The following CFAP96 variants were observed in gnomAD, a reference collection of about 807,000 sequenced individuals.
CFAP96 encodes the protein cilia-and flagella-associated protein 96.
At chr4:185,416,965 T>G in the CFAP96 span, among the ~76,000 whole-genome samples, 7 of 152,210 alleles carry the variant, frequency 4.6e-5, no homozygotes, top group Non-Finnish European at 8.8e-5. Flanking sequence ...ATGCTAAAAG[T>G]GGTGGGTCAA....
the CFAP96 span, among the ~76,000 whole-genome samples, chr4:185,447,931 A>G: frequency 1.3e-5 from 2 of 152,232 alleles, no homozygotes; most frequent in Non-Finnish European, 2.9e-5. Context: ...CTTAGCTGCA[A>G]TAATTAGCCA....
the CFAP96 span, chr4:185,436,262 A>G: frequency 1.6e-5 from 25 of 1,548,350 alleles, no homozygotes; most frequent in East Asian, 5.9e-4. Context: ...TGAAGTCACC[A>G]TTACTTACTT....
the CFAP96 span, among the ~76,000 whole-genome samples, chr4:185,443,322 A>G: frequency 0.076 from 3,083 of 40,526 alleles, 66 homozygotes; most frequent in South Asian, 0.18. Flanking sequence ...TTTTTTATGT[A>G]TATATATATA....
chr4:185,418,551 T>C, the CFAP96 span: 3 of 1,610,690 alleles, frequency 1.9e-6, no homozygotes, highest in Non-Finnish European at 2.5e-6. Context: ...AAATGATGTT[T>C]TGAAAACATT....
the CFAP96 span, among the ~76,000 whole-genome samples, chr4:185,449,382 A>G: frequency 6.6e-6 from 1 of 152,130 alleles, no homozygotes; most frequent in Non-Finnish European, 1.5e-5. Context: ...TTAGCCAGGC[A>G]TGATGGCACA....
At chr4:185,436,236 T>A in the CFAP96 span, 3 of 1,543,396 alleles carry the variant, frequency 1.9e-6, no homozygotes, top group Non-Finnish European at 2.6e-6. Flanking sequence ...TTTAAAAAAA[T>A]TAAATTTCTG....
At chr4:185,426,251 T>A in the CFAP96 span, 1 of 226,140 alleles carries the variant, frequency 4.4e-6, no homozygotes, top group East Asian at 1.0e-4. Flanking sequence ...TGGTGGAACG[T>A]GCAGAGGCGC....
At chr4:185,449,691 ACTATCAAGAG>A in the CFAP96 span, 1 of 1,295,490 alleles carries the variant, frequency 7.7e-7, no homozygotes, top group East Asian at 2.6e-5. Context: ...TGAGTAATTC[ACTATCAAGAG>A]CTAATTATTT....
At chr4:185,442,718 A>G in the CFAP96 span, among the ~76,000 whole-genome samples, 3 of 152,268 alleles carry the variant, frequency 2.0e-5, no homozygotes, top group Admixed American at 2.0e-4. Context: ...TCATTTTTAT[A>G]GATGCCAAAA....
the CFAP96 span, chr4:185,416,003 G>A: frequency 1.6e-6 from 1 of 641,804 alleles, no homozygotes; most frequent in African/African-American, 1.9e-5. Flanking sequence ...TAGTGAAAAG[G>A]GGGAAAGAGT....
the CFAP96 span, among the ~76,000 whole-genome samples, chr4:185,443,343 T>TATATATATATATATATATATATATA: frequency 2.6e-4 from 5 of 19,204 alleles, no homozygotes; most frequent in Admixed American, 6.5e-4. Flanking sequence ...TATATATATA[T>TATATATATATATATATATATATATA]TTTTTTTTTT....
chr4:185,432,083 A>G, the CFAP96 span: 1 of 1,551,762 alleles, frequency 6.4e-7, no homozygotes, highest in Non-Finnish European at 8.7e-7. Context: ...CCATTTTGTA[A>G]GGATTTTTGA....
At chr4:185,431,072 TG>T in the CFAP96 span, among the ~76,000 whole-genome samples, 1 of 152,012 alleles carries the variant, frequency 6.6e-6, no homozygotes, top group African/African-American at 2.4e-5. Context: ...TAACCAGCCA[TG>T]GTGGTGCACA....
the CFAP96 span, among the ~76,000 whole-genome samples, chr4:185,435,839 AT>A: frequency 6.7e-6 from 1 of 150,358 alleles, no homozygotes; most frequent in Non-Finnish European, 1.5e-5. Flanking sequence ...ATGCAGTTCT[AT>A]TTTTTGTAGA....
the CFAP96 span, chr4:185,422,402 C>G: frequency 1.0e-6 from 1 of 987,630 alleles, no homozygotes; most frequent in East Asian, 2.5e-5. Context: ...ATCTCTCTCT[C>G]AGTTTCATTT....
the CFAP96 span, among the ~76,000 whole-genome samples, chr4:185,427,812 G>T: frequency 6.7e-6 from 1 of 149,824 alleles, no homozygotes; most frequent in African/African-American, 2.4e-5. Flanking sequence ...CCAGCCGGGC[G>T]CGGTGGCCCA....
the CFAP96 span, among the ~76,000 whole-genome samples, chr4:185,440,060 C>T: frequency 1.0e-4 from 15 of 149,098 alleles, no homozygotes; most frequent in East Asian, 1.9e-4. Context: ...ATGTTATATA[C>T]GTATCTCATA....
the CFAP96 span, among the ~76,000 whole-genome samples, chr4:185,441,009 G>A: frequency 6.6e-6 from 1 of 151,256 alleles, no homozygotes; most frequent in African/African-American, 2.4e-5. Context: ...GCAGTGCAGT[G>A]GCATGATCTA....
At chr4:185,436,221 T>C in the CFAP96 span, 1 of 1,544,026 alleles carries the variant, frequency 6.5e-7, no homozygotes. Flanking sequence ...TCGTTTGTTT[T>C]GAAATTTAAA....
Sources: gnomAD v4.1 joint callset for allele counts (sites outside exome capture counted in the v4.1 genomes callset) on GRCh38, gnomAD v4.1.1 for gene constraint, MANE v1.5 for transcripts, NCBI Gene and HGNC (gene_info 2026-07-23, HGNC 2026-07-21) for gene names.